Variants in PDE4DIP observed in about 807,000 individuals in gnomAD.
PDE4DIP encodes phosphodiesterase 4D interacting protein.
Under a neutral mutation model 221.4 loss-of-function variants are expected in PDE4DIP, and 59 were observed. The observed-to-expected ratio is 0.27, with a 90% confidence interval of 0.22 to 0.33. PDE4DIP has a LOEUF of 0.33. Among genes scored for constraint, PDE4DIP ranks in the 10% least tolerant of loss-of-function variants. The pLI is 1.00. For missense variants in PDE4DIP, 1,036 were observed against 2,154.2 expected (o/e 0.48, Z 10.28); for synonymous variants, 404 against 815.9 (o/e 0.50, Z 8.60).
chr1:149,014,812 G>T (rs1414980570), intron 32 of PDE4DIP, among the ~76,000 whole-genome samples: 1 of 151,604 alleles, frequency 6.6e-6, no homozygotes, highest in Admixed American at 6.6e-5. Flanking sequence ...TTGTGCAAGA[G>T]TCTGTATGGT....
chr1:148,912,306 C>CT (rs1270239577), intron 1 of PDE4DIP, among the ~76,000 whole-genome samples: 2 of 146,600 alleles, frequency 1.4e-5, no homozygotes, highest in South Asian at 4.3e-4. Context: ...TTGCCACTTG[C>CT]TATGTCATTT....
At chr1:148,852,448 G>GAAA (rs67455681) in intron 1 of PDE4DIP, among the ~76,000 whole-genome samples, 3 of 3,546 alleles carry the variant, frequency 8.5e-4, no homozygotes, top group African/African-American at 2.0e-3. Flanking sequence ...GACTTTGTCG[G>GAAA]AAAAAAAAAA....
At chr1:148,821,715 G>T (rs1456490252) in intron 1 of PDE4DIP, among the ~76,000 whole-genome samples, 2 of 144,506 alleles carry the variant, frequency 1.4e-5, no homozygotes, top group African/African-American at 5.4e-5. Context: ...TTATTCTAAG[G>T]ACATGGGGAA....
chr1:148,982,412 A>G (rs2061274350), intron 21 of PDE4DIP: 1 of 152,184 alleles, frequency 6.6e-6, no homozygotes. Context: ...ACATTTCTCC[A>G]TATAACAGTA....
At chr1:148,934,217 TTA>T (rs1176041966) in intron 4 of PDE4DIP, among the ~76,000 whole-genome samples, 3 of 148,960 alleles carry the variant, frequency 2.0e-5, no homozygotes, top group African/African-American at 4.9e-5. Flanking sequence ...ATTGTTTCTT[TTA>T]TATATATACA....
chr1:148,942,164 T>C (rs1215031783), intron 5 of PDE4DIP: 2 of 152,150 alleles, frequency 1.3e-5, no homozygotes, highest in Non-Finnish European at 2.9e-5. Flanking sequence ...CACAGATAAC[T>C]ATCTCTCAAG....
At position 148,859,824 on chromosome 1, in the gene PDE4DIP, G is replaced by GTGTA. The variant is rs1553398979; in HGVS notation, c.234-3423_234-3422insATGT. On this transcript the variant is annotated intron_variant, in intron 1 of 45. Transcript: ENST00000524974. Reference sequence around the variant, plus strand: ...TGTGTGTGTGTGTGTGTGTGTGTGTGTGTGTATGTGTGTGTGTGTGTGTGT... The same window carrying GTGTA: ...TGTGTGTGTGTGTGTGTGTGTGTGTGTGTATGTGTATGTGTGTGTGTGTGTGTGT... Among the ~76,000 whole-genome samples the GTGTA allele has an allele frequency of 2.1e-3, 256 of 124,524 alleles. 2 individuals carry two copies. The highest frequency in any genetic ancestry group is 8.0e-3 in the African/African-American group (232 of 29,090). The allele number at this position is 124,524 out of a possible 152,430, so 81.7% of individuals were successfully genotyped here.
At chr1:149,029,536 G>A (rs1179808052) in intron 41 of PDE4DIP, among the ~76,000 whole-genome samples, 4 of 152,124 alleles carry the variant, frequency 2.6e-5, no homozygotes, top group Non-Finnish European at 5.9e-5. Context: ...CCTGAGGCGA[G>A]GTTCTCTTAA....
chr1:149,000,350 T>A (rs1389236961), intron 23 of PDE4DIP, among the ~76,000 whole-genome samples: 1 of 151,984 alleles, frequency 6.6e-6, no homozygotes, highest in African/African-American at 2.4e-5. Context: ...AGGTCAGGAG[T>A]TCGAGACCAG....
intron 1 of PDE4DIP, among the ~76,000 whole-genome samples, chr1:148,927,911 A>G (rs1221405399): frequency 1.3e-5 from 2 of 149,198 alleles, no homozygotes; most frequent in East Asian, 3.9e-4. Context: ...TGGAAATTTC[A>G]GCATTGTCTT....
At chr1:148,954,052 C>T (rs2054464833) in intron 5 of PDE4DIP, 1 of 646,304 alleles carries the variant, frequency 1.5e-6, no homozygotes, top group Admixed American at 3.0e-5. Flanking sequence ...TTTGCTCTGT[C>T]TCATTTAGTA....
At chr1:148,923,809 T>C (rs1409389548) in intron 1 of PDE4DIP, among the ~76,000 whole-genome samples, 2 of 146,256 alleles carry the variant, frequency 1.4e-5, no homozygotes, top group Admixed American at 6.8e-5. Context: ...CTGGGTACTT[T>C]ACATAAATTC....
upstream of PDE4DIP, among the ~76,000 whole-genome samples, chr1:148,885,036 A>G (rs12064029): frequency 0.033 from 4,239 of 128,284 alleles, no homozygotes; most frequent in Middle Eastern, 0.067. Flanking sequence ...AATTCAACAA[A>G]TATTTATTGA....
At chr1:148,967,874 C>T (rs146793096) in exon 13 of PDE4DIP, 13 of 1,059,354 alleles carry the variant, frequency 1.2e-5, no homozygotes, top group South Asian at 2.6e-5. Flanking sequence ...CAGTTACAGA[C>T]GTCTCTTCAT....
At chr1:149,007,071 G>T in intron 27 of PDE4DIP, 130 bp from the exon 31 acceptor site, 1 of 628,098 alleles carries the variant, frequency 1.6e-6, no homozygotes, top group Non-Finnish European at 2.9e-6. Flanking sequence ...TATGGCTTAT[G>T]TGCCAGAATT....
At chr1:149,017,725 A>C (rs781961174) in intron 33 of PDE4DIP, 23 bp from the exon 37 acceptor site, 7 of 1,451,822 alleles carry the variant, frequency 4.8e-6, no homozygotes, top group South Asian at 3.5e-5. Flanking sequence ...ACCTCTCTTC[A>C]TGTCCTGGTG....
intron 8 of PDE4DIP, 46 bp downstream of exon 11, chr1:148,962,334 T>C: frequency 2.0e-6 from 3 of 1,511,284 alleles, no homozygotes; most frequent in Non-Finnish European, 2.8e-6. Flanking sequence ...GTTGGGGATG[T>C]GCCATTTTGG....
At chr1:148,995,850 C>A in intron 22 of PDE4DIP, among the ~76,000 whole-genome samples, 1 of 137,372 alleles carries the variant, frequency 7.3e-6, no homozygotes, top group Non-Finnish European at 1.6e-5. Flanking sequence ...TACCCTAAAA[C>A]TTAAAGTATA....
chr1:149,032,381 C>T (rs1289063473), exon 44 of PDE4DIP: 28 of 491,850 alleles, frequency 5.7e-5, no homozygotes, highest in East Asian at 3.6e-4. Flanking sequence ...ACCCTGATTC[C>T]GATGAAAGGG....
Sources: allele counts gnomAD v4.1 joint callset (sites outside exome capture counted in the v4.1 genomes callset), GRCh38; gene constraint gnomAD v4.1.1; transcripts MANE v1.5; gene names NCBI Gene and HGNC (gene_info 2026-07-23, HGNC 2026-07-21).